The following PRH1 variants were observed in gnomAD, a reference collection of about 807,000 sequenced individuals.
PRH1 encodes salivary acidic proline-rich phosphoprotein 1/2.
Under a neutral mutation model 7.9 loss-of-function variants are expected in PRH1, and 7 were observed. The observed-to-expected ratio is 0.89, with a 90% CI of 0.50 to 1.67. PRH1 has a LOEUF of 1.67. PRH1 is among the 40% of genes most tolerant of loss of function. The pLI is 0.00. For missense variants in PRH1, 109 were observed against 223.6 expected (o/e 0.49, Z 3.27); for synonymous variants, 45 against 80.8 (o/e 0.56, Z 2.38).
At position 11,021,676 on chromosome 12, in the gene PRH1, C is replaced by T. The variant is rs139129245; in HGVS notation, c.-126+25344G>A. On this transcript the variant is annotated intron_variant, in intron 1 of 3. Transcript: ENST00000539853. ...TGAGGGTTTCTCTTCTTTCACTCAG[C>T]GTGTCATCTGCCACAAAACTGAAAG... 8.8e-5 allele frequency: 142 copies of T among 1,608,758 alleles called. 1 individual carries two copies. In the African/African-American group the frequency reaches 9.6e-4, roughly 11 times the overall value.
chr12:11,039,779 G>C lies in PRH1; in HGVS notation c.-126+7241C>G, dbSNP rs1191937779. Among the ~76,000 whole-genome samples the C allele has an allele frequency of 2.0e-5, 3 of 152,214 alleles. No individual in the cohort carries two copies. The East Asian group carries it at 5.8e-4, about 29-fold the overall frequency. ...AATCCTGGTGGCTACTAATACTTTT[G>C]TATAACTTATTGTTTACAAGCTCAT... On this transcript the variant is annotated intron_variant, in intron 1 of 3. Transcript: ENST00000539853.
chr12:11,022,685 C>T (rs368615393), intron 1 of PRH1: 2 of 812,178 alleles, frequency 2.5e-6, no homozygotes, highest in East Asian at 2.7e-5. Flanking sequence ...CATTTTCTGC[C>T]TTTAAATTCA....
At chr12:10,908,513 G>T in intron 2 of PRH1, 1 of 1,613,896 alleles carries the variant, frequency 6.2e-7, no homozygotes, top group Non-Finnish European at 8.5e-7. Context: ...AAAGCATGTA[G>T]ATCACTGTGT....
chr12:10,997,789 C>T (rs1940367054), intron 1 of PRH1: 1 of 1,613,642 alleles, frequency 6.2e-7, no homozygotes, highest in South Asian at 1.1e-5. Context: ...TGAAATTTAT[C>T]AGTGCTATAA....
Position 10,895,389 on chromosome 12 carries a change from T to A in PRH1, c.-58-11114A>T, listed in dbSNP as rs147185892. The A allele has an allele frequency of 4.5e-3, 690 of 152,284 alleles. 7 individuals carry two copies. The highest frequency in any genetic ancestry group is 0.015 in the African/African-American group (627 of 41,552). The allele number at this position is 152,284 out of a possible 1,614,324, so 9.4% of individuals were successfully genotyped here. ...GTATCCATATAATTAAATGTCAAGTTGCCTTTTATTGTTACCCGTTCTTAG... is the reference window on the plus strand; with the variant it reads ...GTATCCATATAATTAAATGTCAAGTAGCCTTTTATTGTTACCCGTTCTTAG... On this transcript the variant is annotated intron_variant, in intron 2 of 3. Coordinates refer to the PRH1 transcript ENST00000539853.
intron 1 of PRH1, chr12:11,030,439 G>C (rs1455884409): frequency 1.2e-6 from 2 of 1,614,236 alleles, no homozygotes; most frequent in African/African-American, 1.3e-5. Context: ...CTTTCACCCA[G>C]TACCTCACTT....
At chr12:11,142,264 A>G (rs1946722578) in intron 1 of PRH1, among the ~76,000 whole-genome samples, 1 of 152,242 alleles carries the variant, frequency 6.6e-6, no homozygotes, top group Admixed American at 6.5e-5. Flanking sequence ...GAGTCTTTAT[A>G]GGTGAAAAGT....
chr12:10,981,604 A>G (rs370641998), intron 1 of PRH1, among the ~76,000 whole-genome samples: 4 of 151,970 alleles, frequency 2.6e-5, no homozygotes, highest in African/African-American at 9.6e-5. Context: ...CGAACTCCTG[A>G]CCTCAAGTGA....
intron 1 of PRH1, 76 bp downstream of exon 1, chr12:10,884,078 C>G (rs1041634118): frequency 1.3e-6 from 2 of 1,573,772 alleles, no homozygotes; most frequent in Non-Finnish European, 1.7e-6. Flanking sequence ...CCTCTCTTCC[C>G]TCCACTTTCC....
chr12:11,088,309 C>A, intron 1 of PRH1, among the ~76,000 whole-genome samples: 1 of 112,360 alleles, frequency 8.9e-6, no homozygotes, highest in African/African-American at 3.1e-5. Flanking sequence ...CCACTGAACT[C>A]CAGCCTCAGG....
intron 1 of PRH1, among the ~76,000 whole-genome samples, chr12:11,156,674 T>C (rs1326269169): frequency 6.6e-6 from 1 of 152,198 alleles, no homozygotes; most frequent in Non-Finnish European, 1.5e-5. Flanking sequence ...AGTCATTATT[T>C]TGGTGGTAGA....
At chr12:11,052,627 T>C (rs978626999) in intron 1 of PRH1, among the ~76,000 whole-genome samples, 5 of 151,162 alleles carry the variant, frequency 3.3e-5, no homozygotes, top group African/African-American at 1.2e-4. Flanking sequence ...ACAAGTATGT[T>C]AGGTGTTTTG....
intron 1 of PRH1, among the ~76,000 whole-genome samples, chr12:11,060,780 A>G (rs1484224489): frequency 1.3e-5 from 2 of 152,214 alleles, no homozygotes; most frequent in Admixed American, 6.5e-5. Context: ...GTTTTCTATC[A>G]ATAATTCTGA....
At chr12:10,964,219 C>G (rs866729423) in intron 2 of PRH1, among the ~76,000 whole-genome samples, 7 of 152,308 alleles carry the variant, frequency 4.6e-5, no homozygotes, top group Non-Finnish European at 8.8e-5. Context: ...TATTGCCACT[C>G]TCTCTTAAGT....
chr12:10,938,364 G>A (rs1950325710), intron 2 of PRH1: 1 of 1,613,860 alleles, frequency 6.2e-7, no homozygotes, highest in African/African-American at 1.3e-5. Flanking sequence ...TTGTTTCCAA[G>A]AATCAGAACA....
At chr12:10,887,617 G>A (rs1309858673), upstream of PRH1, among the ~76,000 whole-genome samples, 6 of 150,684 alleles carry the variant, frequency 4.0e-5, no homozygotes, top group Non-Finnish European at 8.9e-5. Context: ...CACCTCCCGG[G>A]TTCAAGCAAT....
At chr12:11,010,359 C>T (rs1941011261) in intron 1 of PRH1, among the ~76,000 whole-genome samples, 1 of 151,874 alleles carries the variant, frequency 6.6e-6, no homozygotes, top group Non-Finnish European at 1.5e-5. Context: ...AATGTGACTT[C>T]AATCATGTTT....
intron 1 of PRH1, among the ~76,000 whole-genome samples, chr12:11,095,805 C>T (rs1214967321): frequency 8.7e-6 from 1 of 114,662 alleles, no homozygotes; most frequent in Non-Finnish European, 2.1e-5. Context: ...TCCAACTCTA[C>T]CAACAAAAAT....
chr12:11,008,806 T>G (rs1286674414), intron 1 of PRH1, among the ~76,000 whole-genome samples: 1 of 152,088 alleles, frequency 6.6e-6, no homozygotes, highest in Non-Finnish European at 1.5e-5. Context: ...TTTTATGAAC[T>G]ATTATGAATA....
Sources: allele counts gnomAD v4.1 joint callset (sites outside exome capture counted in the v4.1 genomes callset), GRCh38; gene constraint gnomAD v4.1.1; transcripts MANE v1.5; gene names NCBI Gene and HGNC (gene_info 2026-07-23, HGNC 2026-07-21).